Variants in SAMD12 observed in about 807,000 individuals in gnomAD.
SAMD12 encodes the protein sterile alpha motif domain-containing protein 12.
A neutral mutation model predicts 15.0 loss-of-function variants in SAMD12; 9 were observed. That is an observed-to-expected ratio of 0.60 (90% CI 0.36 to 1.05). The LOEUF (loss-of-function observed/expected upper bound fraction) is 1.05, where lower values mean the gene tolerates loss of function less well. Ranked by LOEUF, SAMD12 falls within the 50% of genes least tolerant of loss-of-function variation. SAMD12 has a pLI of 0.01. For missense variants in SAMD12, 230 were observed against 234.2 expected (o/e 0.98, Z 0.12); for synonymous variants, 86 against 90.1 (o/e 0.96, Z 0.25).
intron 3 of SAMD12, among the ~76,000 whole-genome samples, chr8:118,423,915 T>C (rs768228576): frequency 7.9e-5 from 12 of 152,224 alleles, no homozygotes; most frequent in Non-Finnish European, 1.3e-4. Flanking sequence ...TTAAGATATA[T>C]GGTTTTCCCC....
chr8:118,560,875 T>C (rs1358343151), intron 2 of SAMD12, among the ~76,000 whole-genome samples: 2 of 152,142 alleles, frequency 1.3e-5, no homozygotes, highest in African/African-American at 2.4e-5. Context: ...TACAAACTTA[T>C]TGTTTTAGAA....
At chr8:118,259,236 T>C (rs1024116678) in intron 4 of SAMD12, among the ~76,000 whole-genome samples, 1 of 152,150 alleles carries the variant, frequency 6.6e-6, no homozygotes, top group Non-Finnish European at 1.5e-5. Flanking sequence ...AGCCTATGTC[T>C]AACAGGCCAG....
rs34147473 is a variant in SAMD12 at position 118,415,458 on chromosome 8, T to TGTGTGC, written c.322+24373_322+24374insGCACAC. ...ATAACCTTGTCCTAAGGTGTGTGTG[T>TGTGTGC]GTGTGTGTGTGTGTGTGTGTGTGTG... On this transcript the variant is annotated intron_variant, in intron 3 of 3. Coordinates refer to ENST00000314727, the MANE Select transcript of SAMD12 (RefSeq NM_207506.3). Among the ~76,000 whole-genome samples, 10 of 145,382 alleles carry TGTGTGC rather than the reference T, an allele frequency of 6.9e-5. No homozygotes were observed. In the East Asian group the frequency reaches 1.8e-3, roughly 26 times the overall value.
intron 4 of SAMD12, among the ~76,000 whole-genome samples, chr8:118,292,349 G>GACACACAC (rs3052706): frequency 1.4e-3 from 197 of 137,696 alleles, no homozygotes; most frequent in African/African-American, 2.7e-3. Context: ...CAAACACACA[G>GACACACAC]ACACACACAC....
chr8:118,424,798 T>C (rs1263666884), intron 3 of SAMD12, among the ~76,000 whole-genome samples: 1 of 152,156 alleles, frequency 6.6e-6, no homozygotes, highest in East Asian at 1.9e-4. Context: ...TCACCATAAA[T>C]GACGCCATCT....
chr8:118,477,588 A>G (rs923387442), intron 2 of SAMD12, among the ~76,000 whole-genome samples: 5 of 152,136 alleles, frequency 3.3e-5, no homozygotes, highest in African/African-American at 7.2e-5. Flanking sequence ...ATTTATATGT[A>G]TGGCTCAAAT....
the SAMD12 span, among the ~76,000 whole-genome samples, chr8:118,147,420 G>A: frequency 5.9e-5 from 9 of 151,534 alleles, no homozygotes; most frequent in Admixed American, 5.9e-4. Context: ...GAGTGCAATG[G>A]CGCAATCTTG....
chr8:118,581,679 A>G (rs1287254913), intron 1 of SAMD12, among the ~76,000 whole-genome samples: 1 of 152,154 alleles, frequency 6.6e-6, no homozygotes, highest in Non-Finnish European at 1.5e-5. Flanking sequence ...GAGCCCCCCT[A>G]TGTACCCTGT....
chr8:118,191,473 G>A (rs1423171672), exon 5 of SAMD12: 3 of 151,424 alleles, frequency 2.0e-5, no homozygotes, highest in Non-Finnish European at 4.4e-5. Context: ...AAAAGACAAG[G>A]GTTTCAGCAT....
At chr8:118,194,400 TA>T (rs1320644098) in exon 5 of SAMD12, 1 of 152,152 alleles carries the variant, frequency 6.6e-6, no homozygotes, top group Admixed American at 6.5e-5. Context: ...TCTCTTCCCC[TA>T]GGTACGTCTC....
chr8:118,241,299 C>G (rs576541734), intron 4 of SAMD12, among the ~76,000 whole-genome samples: 15 of 152,146 alleles, frequency 9.9e-5, no homozygotes, highest in African/African-American at 3.1e-4. Flanking sequence ...AATGGCTTAC[C>G]TTGAAAACCA....
the SAMD12 span, among the ~76,000 whole-genome samples, chr8:118,161,883 G>T: frequency 1.3e-5 from 2 of 151,746 alleles, no homozygotes; most frequent in African/African-American, 4.8e-5. Flanking sequence ...TAGTGGCCTG[G>T]GCATGGTGGC....
intron 2 of SAMD12, among the ~76,000 whole-genome samples, chr8:118,523,291 G>GTACA (rs1825442831): frequency 6.6e-6 from 1 of 152,088 alleles, no homozygotes; most frequent in South Asian, 2.1e-4. Flanking sequence ...GGACAAAAGG[G>GTACA]TACAAGTCTA....
chr8:118,328,813 AGTCATATCACTG>A (rs1816678671), intron 4 of SAMD12, among the ~76,000 whole-genome samples: 1 of 152,148 alleles, frequency 6.6e-6, no homozygotes, highest in African/African-American at 2.4e-5. Context: ...CCTTGTTCAT[AGTCATATCACTG>A]GTCATATCAT....
At chr8:118,512,520 G>T (rs1324158749) in intron 2 of SAMD12, among the ~76,000 whole-genome samples, 2 of 152,146 alleles carry the variant, frequency 1.3e-5, no homozygotes, top group African/African-American at 4.8e-5. Context: ...CTCAATAAAT[G>T]ATATTTTTAT....
At chr8:118,301,781 C>T (rs1211432841) in intron 4 of SAMD12, among the ~76,000 whole-genome samples, 1 of 152,180 alleles carries the variant, frequency 6.6e-6, no homozygotes. Context: ...TTCTCCTCTT[C>T]TGCATTTCTA....
chr8:118,458,997 A>G (rs1422688975), intron 2 of SAMD12, among the ~76,000 whole-genome samples: 1 of 151,018 alleles, frequency 6.6e-6, no homozygotes, highest in Admixed American at 6.6e-5. Context: ...TATTCAGTTC[A>G]TGACTTCAGT....
rs555402098 is a variant in SAMD12 at position 118,474,519 on chromosome 8, T to C, written c.193-34558A>G. Among the ~76,000 whole-genome samples the C allele has an allele frequency of 3.3e-5, 5 of 152,046 alleles. No homozygotes were observed. The South Asian group carries it at 8.3e-4, about 25-fold the overall frequency. ...CCTCAGCCTCCCGAGTAGCTGGGAT[T>C]ACAGGCACCTGCCACCATGCCCAGC... On this transcript the variant is annotated intron_variant, in intron 2 of 3. Coordinates refer to ENST00000314727, the MANE Select transcript of SAMD12 (RefSeq NM_207506.3).
intron 4 of SAMD12, among the ~76,000 whole-genome samples, chr8:118,301,575 G>A (rs1815027082): frequency 6.6e-6 from 1 of 152,172 alleles, no homozygotes; most frequent in African/African-American, 2.4e-5. Context: ...AAACAATCAA[G>A]TTGTACTTCT....
Sources: allele counts gnomAD v4.1 joint callset (sites outside exome capture counted in the v4.1 genomes callset), GRCh38; gene constraint gnomAD v4.1.1; transcripts MANE v1.5; gene names NCBI Gene and HGNC (gene_info 2026-07-23, HGNC 2026-07-21).